The following FARP1 variants were observed in gnomAD, a reference collection of about 807,000 sequenced individuals.
FARP1 encodes the protein FERM, ARH/RhoGEF and pleckstrin domain protein 1, also known as FERM, ARHGEF and pleckstrin domain-containing protein 1.
FARP1 carries 52 observed loss-of-function variants against 128.8 expected under a neutral mutation model. The ratio of observed to expected loss-of-function variants is 0.40; its 90% CI spans 0.32 to 0.51. The LOEUF (loss-of-function observed/expected upper bound fraction) is 0.51, where lower values mean the gene tolerates loss of function less well. FARP1 is among the 20% of genes least tolerant of loss of function. FARP1 has a pLI of 0.45. For synonymous variants in FARP1, 580 were observed against 551.8 expected (o/e 1.05, Z -0.72); for missense variants, 1,333 against 1,367.9 (o/e 0.97, Z 0.40).
chr13:98,198,891 C>T lies in FARP1; in HGVS notation c.-23-14329C>T, dbSNP rs113369906. ...AGACTCCATCTCAATCTCAACCCTC[C>T]CTGCTCCGCTCCCCCTCCCCCTTTC... On this transcript the variant is annotated intron_variant, in intron 1 of 26. Coordinates refer to ENST00000319562, the MANE Select transcript of FARP1 (RefSeq NM_005766.4). Among the ~76,000 whole-genome samples, 145 of 124,528 alleles carry T rather than the reference C, an allele frequency of 1.2e-3. 5 individuals are homozygous for T. Among genetic ancestry groups the T allele is most frequent in the African/African-American group, 4.8e-3 (139 of 29,148 alleles). The allele number at this position is 124,528 out of a possible 152,430, so 81.7% of individuals were successfully genotyped here. A position where few individuals can be genotyped will look rare whatever the true frequency, so the allele number is the denominator to read the frequency against.
intron 2 of FARP1, among the ~76,000 whole-genome samples, chr13:98,267,573 A>G (rs1227519787): frequency 6.6e-6 from 1 of 152,148 alleles, no homozygotes; most frequent in East Asian, 1.9e-4. Flanking sequence ...TCCAGTTTCT[A>G]TATCCTTATT....
rs56030081 is a variant in FARP1 at position 98,309,153 on chromosome 13, C to CTTTTTTTTTTTTTTTTTTTTTTTTTTTTT, written c.172-34607_172-34579dup. 5.6e-5 allele frequency among the ~76,000 whole-genome samples: 5 copies of CTTTTTTTTTTTTTTTTTTTTTTTTTTTTT among 89,670 alleles called. 2 individuals carry two copies. The highest frequency in any genetic ancestry group is 2.9e-4 in the Admixed American group (2 of 6,976). 58.8% of individuals were successfully genotyped at this position (89,670 alleles called of 152,430 possible). A position where few individuals can be genotyped will look rare whatever the true frequency, so the allele number is the denominator to read the frequency against. ...TATATTAATATTAATTTTAAGAGGC[C>CTTTTTTTTTTTTTTTTTTTTTTTTTTTTT]TTTTTTTTTTTTTTTTTTTTTTTTT... On this transcript the variant is annotated intron_variant, in intron 2 of 26. Coordinates refer to ENST00000319562, the MANE Select transcript of FARP1 (RefSeq NM_005766.4).
At chr13:98,301,265 C>T (rs1408918263) in intron 2 of FARP1, among the ~76,000 whole-genome samples, 3 of 152,202 alleles carry the variant, frequency 2.0e-5, no homozygotes, top group African/African-American at 7.2e-5. Context: ...TTCTTTCTCT[C>T]TGTTGGACTT....
At chr13:98,241,635 G>T (rs544900601) in intron 2 of FARP1, among the ~76,000 whole-genome samples, 3 of 152,268 alleles carry the variant, frequency 2.0e-5, no homozygotes, top group African/African-American at 7.2e-5. Flanking sequence ...TTAAAAACTG[G>T]CCAGGTGTGG....
At chr13:98,248,511 T>A (rs1438139476) in intron 2 of FARP1, among the ~76,000 whole-genome samples, 1 of 152,176 alleles carries the variant, frequency 6.6e-6, no homozygotes, top group Non-Finnish European at 1.5e-5. Flanking sequence ...AGAAATACTT[T>A]TGGATATTAA....
At chr13:98,428,933 C>G (rs1229679258) in intron 17 of FARP1, among the ~76,000 whole-genome samples, 1 of 152,230 alleles carries the variant, frequency 6.6e-6, no homozygotes, top group East Asian at 1.9e-4. Context: ...TGCACGCACA[C>G]ACATGCAAGA....
At chr13:98,385,203 T>C (rs1465835604) in intron 7 of FARP1, among the ~76,000 whole-genome samples, 1 of 152,236 alleles carries the variant, frequency 6.6e-6, no homozygotes, top group Non-Finnish European at 1.5e-5. Flanking sequence ...TCTGCATTTT[T>C]GTTTTTGTTT....
chr13:98,393,573 T>C, intron 11 of FARP1, 70 bp from the exon 12 acceptor site: 3 of 1,269,798 alleles, frequency 2.4e-6, no homozygotes, highest in Non-Finnish European at 3.4e-6. Flanking sequence ...GACTTTTGTT[T>C]CATTTAAAAC....
chr13:98,446,178 C>T lies in FARP1; in HGVS notation c.2877C>T (p.Phe959=), dbSNP rs145031094. Residue 959 remains phenylalanine, a synonymous_variant, in exon 25 of 27, where the codon TTC becomes TTT. Coordinates refer to ENST00000319562, the MANE Select transcript of FARP1 (RefSeq NM_005766.4). ...AGCTGTGGGTGGTGTTCACAAACTT[C>T]TGCCTGTTCTTCTACAAATCACACC... ...WQKLWVVFTN[F]CLFFYKSHQD... The T allele has an allele frequency of 9.3e-4, 1,500 of 1,613,646 alleles. 17 individuals are homozygous for T. In the South Asian group the frequency reaches 0.011, roughly 12 times the overall value.
intron 3 of FARP1, among the ~76,000 whole-genome samples, chr13:98,364,745 C>A (rs1481844506): frequency 2.0e-5 from 3 of 152,196 alleles, no homozygotes; most frequent in Non-Finnish European, 4.4e-5. Flanking sequence ...GCTATCCAGA[C>A]TGTGTGCCAA....
At chr13:98,429,726 G>T (rs1310722494) in intron 17 of FARP1, among the ~76,000 whole-genome samples, 1 of 152,184 alleles carries the variant, frequency 6.6e-6, no homozygotes, top group Non-Finnish European at 1.5e-5. Flanking sequence ...TTTTTCCGGG[G>T]CGTGGGAGTG....
intron 2 of FARP1, among the ~76,000 whole-genome samples, chr13:98,321,509 T>A (rs562322360): frequency 5.5e-4 from 84 of 152,334 alleles, no homozygotes; most frequent in African/African-American, 1.9e-3. Context: ...GCTCTTTAAG[T>A]GACAGATAGA....
intron 2 of FARP1, among the ~76,000 whole-genome samples, chr13:98,245,610 A>G (rs915208238): frequency 4.6e-5 from 7 of 152,210 alleles, no homozygotes; most frequent in African/African-American, 1.4e-4. Context: ...TGTGTATTTC[A>G]TTATTAATAC....
In FARP1 at chr13:98,373,533, G is replaced by GACAGACAGACACACAC. The variant is rs1349451618; in HGVS notation, c.399-4285_399-4284insGACAGACACACACACA. 4.3e-3 allele frequency among the ~76,000 whole-genome samples: 570 copies of GACAGACAGACACACAC among 131,038 alleles called. 8 individuals carry two copies. The highest frequency in any genetic ancestry group is 0.016 in the African/African-American group (546 of 33,894). 86.0% of individuals were successfully genotyped at this position (131,038 alleles called of 152,430 possible). A position where few individuals can be genotyped will look rare whatever the true frequency, so the allele number is the denominator to read the frequency against. ...TTGACTTTCCAGAGACAGACAGACA[G>GACAGACAGACACACAC]ACACACACACACACACACACACACA... On this transcript the variant is annotated intron_variant, in intron 5 of 26. Transcript: ENST00000319562.
At position 98,441,358 on chromosome 13, in the gene FARP1, A is replaced by G. The variant is rs532141028; in HGVS notation, c.2796+522A>G. On this transcript the variant is annotated intron_variant, in intron 24 of 26. Transcript: ENST00000319562. ...GGGAAAAGCATGACCAGTTTATTTC[A>G]TCGTCATTTTACATGACATGGGAGC... Among the ~76,000 whole-genome samples the G allele has an allele frequency of 2.2e-4, 33 of 152,322 alleles. No individual in the cohort carries two copies. The South Asian group carries it at 6.6e-3, about 31-fold the overall frequency.
chr13:98,383,770 C>G (rs1889980141), intron 6 of FARP1: 1 of 152,196 alleles, frequency 6.6e-6, no homozygotes. Flanking sequence ...AAAGCTCTAT[C>G]CTTTAACTTT....
rs370708937 is a variant in FARP1, at chr13:98,390,222, T to C, written c.1019+102T>C. 115 of 1,305,120 alleles carry C rather than the reference T, an allele frequency of 8.8e-5. No individual in the cohort carries two copies. The East Asian group carries it at 2.5e-3, about 28-fold the overall frequency. 80.8% of individuals were successfully genotyped at this position (1,305,120 alleles called of 1,614,324 possible). On this transcript the variant is annotated intron_variant, in intron 10 of 26. Coordinates refer to ENST00000319562, the MANE Select transcript of FARP1 (RefSeq NM_005766.4). Reference sequence around the variant, plus strand: ...AGCAGGTCAGGGAGGTGAACGCTCATTGGCCTCCAGGAGCTATGGCCAAGC... The same window carrying C: ...AGCAGGTCAGGGAGGTGAACGCTCACTGGCCTCCAGGAGCTATGGCCAAGC...
chr13:98,229,688 T>C (rs1882000975), intron 2 of FARP1, among the ~76,000 whole-genome samples: 1 of 97,406 alleles, frequency 1.0e-5, no homozygotes, highest in Non-Finnish European at 1.7e-5. Flanking sequence ...TTTATTTCTT[T>C]TTTTTTTTTT....
chr13:98,386,732 G>T, intron 8 of FARP1, among the ~76,000 whole-genome samples: 1 of 152,264 alleles, frequency 6.6e-6, no homozygotes, highest in South Asian at 2.1e-4. Context: ...CAGTTAGGAA[G>T]TTGTAAATAT....
Sources: allele counts gnomAD v4.1 joint callset (sites outside exome capture counted in the v4.1 genomes callset), GRCh38; gene constraint gnomAD v4.1.1; transcripts MANE v1.5; gene names NCBI Gene and HGNC (gene_info 2026-07-23, HGNC 2026-07-21).